The following CCDC170 variants were observed in gnomAD, a reference collection of about 807,000 sequenced individuals.
The protein encoded by CCDC170 is coiled-coil domain containing 170, also known as coiled-coil domain-containing protein 170.
Under a neutral mutation model 72.6 loss-of-function variants are expected in CCDC170, and 69 were observed. The ratio of observed to expected loss-of-function variants is 0.95; its 90% CI spans 0.78 to 1.16. The LOEUF (loss-of-function observed/expected upper bound fraction) is 1.16, where lower values mean the gene tolerates loss of function less well. CCDC170 is among the 50% of genes most tolerant of loss of function. The probability of loss-of-function intolerance (pLI) is 0.00; values close to 1 mark genes in which losing one functional copy is unlikely to be tolerated. For synonymous variants in CCDC170, 300 were observed against 303.9 expected (o/e 0.99, Z 0.13); for missense variants, 852 against 832.5 (o/e 1.02, Z -0.29).
chr6:151,574,543 G>C (rs149724492), intron 6 of CCDC170, among the ~76,000 whole-genome samples: 3 of 152,164 alleles, frequency 2.0e-5, no homozygotes, highest in Non-Finnish European at 2.9e-5. Context: ...GCCTTACACA[G>C]CCCTCCACTG....
intron 1 of CCDC170, among the ~76,000 whole-genome samples, chr6:151,520,862 T>C (rs555333594): frequency 1.3e-5 from 2 of 152,250 alleles, no homozygotes; most frequent in East Asian, 3.9e-4. Context: ...ACCCACCAAG[T>C]TATCCTTAAA....
At chr6:151,547,805 G>T (rs554386654) in intron 4 of CCDC170, among the ~76,000 whole-genome samples, 1 of 152,312 alleles carries the variant, frequency 6.6e-6, no homozygotes, top group South Asian at 2.1e-4. Context: ...CAAAAGCCCT[G>T]CTAATCTCAA....
intron 3 of CCDC170, among the ~76,000 whole-genome samples, chr6:151,542,718 T>G (rs961021916): frequency 2.6e-5 from 4 of 152,192 alleles, no homozygotes; most frequent in African/African-American, 4.8e-5. Flanking sequence ...TTCCTGAAAC[T>G]TTGTTGGGTC....
At chr6:151,554,879 T>A (rs905630122) in intron 5 of CCDC170, among the ~76,000 whole-genome samples, 1 of 140,380 alleles carries the variant, frequency 7.1e-6, no homozygotes, top group African/African-American at 2.7e-5. Context: ...TCAGTTTTTT[T>A]TTTTTTTTTT....
intron 1 of CCDC170, among the ~76,000 whole-genome samples, chr6:151,499,282 A>T (rs185027986): frequency 5.6e-5 from 5 of 88,814 alleles, no homozygotes; most frequent in Admixed American, 1.0e-4. Flanking sequence ...TTCTAGGCAC[A>T]CTGTATAAGT....
intron 1 of CCDC170, among the ~76,000 whole-genome samples, chr6:151,512,230 G>A (rs1484184619): frequency 1.3e-5 from 2 of 149,008 alleles, no homozygotes; most frequent in Non-Finnish European, 3.0e-5. Context: ...CATAATCTAG[G>A]CCCACTGCAG....
chr6:151,499,411 G>A lies in CCDC170; in HGVS notation c.57+5226G>A, dbSNP rs376939115. On this transcript the variant is annotated intron_variant, in intron 1 of 10. Coordinates refer to ENST00000239374, the MANE Select transcript of CCDC170 (RefSeq NM_025059.4). ...GACTGTATTTGACTCTTCTAGGCAC[G>A]CTGTATAAGTGGAATCAGACTGTAT... 8.0e-3 allele frequency among the ~76,000 whole-genome samples: 974 copies of A among 121,472 alleles called. 4 individuals are homozygous for A. Among genetic ancestry groups the A allele is most frequent in the African/African-American group, 0.04 (901 of 22,736 alleles). The allele number at this position is 121,472 out of a possible 152,430, so 79.7% of individuals were successfully genotyped here.
intron 1 of CCDC170, among the ~76,000 whole-genome samples, chr6:151,518,572 CCT>C (rs1782269522): frequency 7.6e-6 from 1 of 131,260 alleles, no homozygotes; most frequent in Non-Finnish European, 1.7e-5. Context: ...GGCAGAGCAG[CCT>C]CGAGGGCTGC....
intron 9 of CCDC170, among the ~76,000 whole-genome samples, chr6:151,606,037 G>A (rs1165709716): frequency 2.0e-5 from 3 of 151,972 alleles, no homozygotes; most frequent in African/African-American, 7.3e-5. Context: ...AAGTAGCTGG[G>A]ATTACAGGTA....
intron 5 of CCDC170, among the ~76,000 whole-genome samples, chr6:151,557,748 A>G (rs534083710): frequency 1.3e-5 from 2 of 152,298 alleles, no homozygotes; most frequent in South Asian, 4.1e-4. Context: ...TAGCCATTCT[A>G]ACTGGGGTTA....
At chr6:151,530,633 G>A (rs1306402569) in intron 1 of CCDC170, among the ~76,000 whole-genome samples, 1 of 151,866 alleles carries the variant, frequency 6.6e-6, no homozygotes, top group East Asian at 1.9e-4. Context: ...GTAGAGACTG[G>A]GTTTCACCAT....
intron 1 of CCDC170, among the ~76,000 whole-genome samples, chr6:151,516,165 T>A (rs1782233003): frequency 6.6e-6 from 1 of 152,020 alleles, no homozygotes; most frequent in South Asian, 2.1e-4. Flanking sequence ...TAGAGTCAGG[T>A]TGGAATTTGG....
intron 1 of CCDC170, among the ~76,000 whole-genome samples, chr6:151,528,336 A>C (rs1782443123): frequency 6.6e-6 from 1 of 152,188 alleles, no homozygotes; most frequent in Non-Finnish European, 1.5e-5. Context: ...TATGAACTCC[A>C]GGAGGGCTGA....
At chr6:151,548,267 A>G in intron 4 of CCDC170, 37 bp from the exon 5 acceptor site, 1 of 1,471,334 alleles carries the variant, frequency 6.8e-7, no homozygotes, top group Non-Finnish European at 9.1e-7. Context: ...TGAAATTGTT[A>G]ATTTTTATAG....
chr6:151,603,643 G>A (rs1451802896), intron 9 of CCDC170, among the ~76,000 whole-genome samples: 1 of 152,212 alleles, frequency 6.6e-6, no homozygotes, highest in East Asian at 1.9e-4. Context: ...CAGTGGCTTA[G>A]AGAGGAGAGG....
intron 9 of CCDC170, among the ~76,000 whole-genome samples, chr6:151,600,058 T>C (rs951124403): frequency 9.2e-5 from 14 of 152,202 alleles, no homozygotes; most frequent in Non-Finnish European, 2.1e-4. Flanking sequence ...TTCAAAGGAA[T>C]GTTAAGTCTT....
intron 6 of CCDC170, among the ~76,000 whole-genome samples, chr6:151,574,366 A>G (rs1277871364): frequency 2.6e-5 from 4 of 152,122 alleles, no homozygotes; most frequent in African/African-American, 2.4e-5. Flanking sequence ...CTCACTGTCC[A>G]TGTGAGCTTG....
Position 151,536,333 on chromosome 6 carries a change from C to G in CCDC170, c.73C>G (p.Leu25Val). 1 of 1,613,872 alleles carries G rather than the reference C, an allele frequency of 6.2e-7. No individual in the cohort carries two copies. Among genetic ancestry groups the G allele is most frequent in the Non-Finnish European group, 8.5e-7 (1 of 1,179,748 alleles). The change falls in exon 2 of 11, where the codon CTT becomes GTT. Residue 25 changes from leucine (L) to valine (V), a missense_variant. Transcript: ENST00000239374. Reference sequence around the variant, plus strand: ...ATTCTACCAGGAAACTTACGATCATCTTTCGGAAGTCCCGGTCACGCGGGA... The same window carrying G: ...ATTCTACCAGGAAACTTACGATCATGTTTCGGAAGTCCCGGTCACGCGGGA... Reference protein sequence around the residue: ...SPAPEETYDHLSEVPVTREQL... With the variant: ...SPAPEETYDHVSEVPVTREQL...
chr6:151,604,394 G>A (rs1485392106), intron 9 of CCDC170, among the ~76,000 whole-genome samples: 1 of 152,158 alleles, frequency 6.6e-6, no homozygotes, highest in Non-Finnish European at 1.5e-5. Context: ...GCATGCTCCT[G>A]GGGGTCAGAT....
Sources: gnomAD v4.1 joint callset for allele counts (sites outside exome capture counted in the v4.1 genomes callset) on GRCh38, gnomAD v4.1.1 for gene constraint, MANE v1.5 for transcripts, NCBI Gene and HGNC (gene_info 2026-07-23, HGNC 2026-07-21) for gene names.